Variants in EBPL observed in about 807,000 individuals in gnomAD.
EBPL encodes EBP like.
Under a neutral mutation model 19.0 loss-of-function variants are expected in EBPL, and 20 were observed. The ratio of observed to expected loss-of-function variants is 1.05; its 90% CI spans 0.74 to 1.53. The LOEUF (loss-of-function observed/expected upper bound fraction) is 1.53. Among genes scored for constraint, EBPL ranks in the 40% most tolerant of loss-of-function variants. The pLI is 0.00. For synonymous variants in EBPL, 107 were observed against 117.0 expected, an observed-to-expected ratio of 0.91 and a Z score of 0.55; for missense variants, 219 against 261.1, an observed-to-expected ratio of 0.84 and a Z score of 1.11.
At chr13:49,684,060 A>G (rs1953971494) in intron 1 of EBPL, among the ~76,000 whole-genome samples, 1 of 152,220 alleles carries the variant, frequency 6.6e-6, no homozygotes, top group Non-Finnish European at 1.5e-5. Flanking sequence ...TAGGACAGCA[A>G]AACTTTAAAG....
intron 1 of EBPL, 118 bp downstream of exon 1, chr13:49,691,136 G>A (rs1344251658): frequency 7.3e-6 from 7 of 961,444 alleles, no homozygotes; most frequent in Non-Finnish European, 9.4e-6. Flanking sequence ...ACTTCCTGCA[G>A]CAGGGGGAGG....
chr13:49,684,545 C>T (rs981816089), intron 1 of EBPL, among the ~76,000 whole-genome samples: 2 of 152,124 alleles, frequency 1.3e-5, no homozygotes, highest in Non-Finnish European at 2.9e-5. Context: ...CACGGTGGCA[C>T]GTGCCTGTCA....
intron 1 of EBPL, among the ~76,000 whole-genome samples, chr13:49,684,902 A>G (rs1241190775): frequency 6.6e-6 from 1 of 152,094 alleles, no homozygotes; most frequent in Non-Finnish European, 1.5e-5. Flanking sequence ...AACTTGGCAA[A>G]GTGAAATTAT....
At chr13:49,672,480 TTC>T (rs1278153554) in intron 1 of EBPL, among the ~76,000 whole-genome samples, 1 of 152,230 alleles carries the variant, frequency 6.6e-6, no homozygotes, top group African/African-American at 2.4e-5. Flanking sequence ...GGCCAATTCT[TTC>T]TCTTTTATCT....
At chr13:49,688,718 C>CAAAAA (rs56059575) in intron 1 of EBPL, among the ~76,000 whole-genome samples, 6 of 95,376 alleles carry the variant, frequency 6.3e-5, no homozygotes, top group African/African-American at 1.2e-4. Flanking sequence ...GACTCCGTCT[C>CAAAAA]AAAAAAAAAA....
chr13:49,663,919 C>T lies in EBPL; in HGVS notation c.242-724G>A, dbSNP rs61683965. On this transcript the variant is annotated intron_variant, in intron 2 of 3. Transcript: ENST00000242827. ...CAGCCTGGGTGACAGAGCGAGACTCCGTCTCAAAAAAAAAAAAACAAAAAA... is the reference window on the plus strand; with the variant it reads ...CAGCCTGGGTGACAGAGCGAGACTCTGTCTCAAAAAAAAAAAAACAAAAAA... Among the ~76,000 whole-genome samples the T allele has an allele frequency of 7.5e-3, 1,054 of 139,796 alleles. 15 individuals carry two copies. Among genetic ancestry groups the T allele is most frequent in the African/African-American group, 0.027 (1,010 of 37,156 alleles). The allele number at this position is 139,796 out of a possible 152,430, so 91.7% of individuals were successfully genotyped here.
intron 1 of EBPL, among the ~76,000 whole-genome samples, chr13:49,687,836 T>A (rs6561554): frequency 6.6e-6 from 1 of 151,816 alleles, no homozygotes; most frequent in Non-Finnish European, 1.5e-5. Flanking sequence ...TTGGGTAAAA[T>A]CTCGGACGCT....
At chr13:49,678,514 A>T (rs1397411323) in intron 1 of EBPL, among the ~76,000 whole-genome samples, 1 of 152,160 alleles carries the variant, frequency 6.6e-6, no homozygotes, top group African/African-American at 2.4e-5. Context: ...GCCAGCAGTG[A>T]TGGGGAACCC....
At position 49,660,819 on chromosome 13, in the gene EBPL, C is replaced by T. The variant is rs1384305594; in HGVS notation, c.*149G>A. 6 of 617,112 alleles carry T rather than the reference C, an allele frequency of 9.7e-6. No homozygotes were observed. The highest frequency in any genetic ancestry group is 1.7e-5 in the Non-Finnish European group (6 of 362,836). The allele number at this position is 617,112 out of a possible 1,614,324, so 38.2% of individuals were successfully genotyped here. On this transcript the variant is annotated 3_prime_UTR_variant, in exon 4 of 4. Coordinates refer to ENST00000242827, the MANE Select transcript of EBPL (RefSeq NM_032565.5). The stretch of plus-strand genomic sequence containing the variant: ...GAACAACAATACAACGAAAACTGGT[C>T]GCCTTAAAACCAATTTGAAACAGGT...
chr13:49,664,815 A>G (rs1391514237), intron 2 of EBPL, among the ~76,000 whole-genome samples: 1 of 152,060 alleles, frequency 6.6e-6, no homozygotes, highest in African/African-American at 2.4e-5. Context: ...GGCTGTCCTA[A>G]GAGAAAGGAC....
intron 1 of EBPL, among the ~76,000 whole-genome samples, chr13:49,679,321 A>G (rs1192711831): frequency 1.3e-5 from 2 of 152,178 alleles, no homozygotes; most frequent in African/African-American, 4.8e-5. Flanking sequence ...TATGATAGAG[A>G]TCCAGCCATC....
chr13:49,673,501 G>A (rs9535295), intron 1 of EBPL, among the ~76,000 whole-genome samples: 28,052 of 152,050 alleles, frequency 0.18, 3,246 homozygotes, highest in Non-Finnish European at 0.26. Context: ...GCAGTGGCTC[G>A]ATCTTGGCTC....
At chr13:49,669,081 G>A (rs947109091) in intron 2 of EBPL, among the ~76,000 whole-genome samples, 3 of 151,950 alleles carry the variant, frequency 2.0e-5, no homozygotes, top group Non-Finnish European at 4.4e-5. Context: ...GGATTTCACC[G>A]TGTTAGCCAG....
In EBPL at chr13:49,662,565, G is replaced by T. The variant is rs1965166172; in HGVS notation, c.380+492C>A. Among the ~76,000 whole-genome samples the T allele has an allele frequency of 2.0e-5, 3 of 151,868 alleles. No individual in the cohort carries two copies. The South Asian group carries it at 6.2e-4, about 31-fold the overall frequency. ...TTAAAATAATATTTCTCATATTTTT[G>T]ATTCTGAAAAGTCTGAAATGATCCT... is the stretch of plus-strand genomic sequence containing the variant. On this transcript the variant is annotated intron_variant, in intron 3 of 3. Transcript: ENST00000242827.
At chr13:49,676,329 C>T (rs776344457) in intron 1 of EBPL, among the ~76,000 whole-genome samples, 7 of 152,202 alleles carry the variant, frequency 4.6e-5, no homozygotes, top group Non-Finnish European at 7.3e-5. Context: ...CAGTGGCTCA[C>T]GCCTGTAATC....
chr13:49,661,064 C>T lies in EBPL; in HGVS notation c.525G>A (p.Val175=), dbSNP rs1398781651. The T allele has an allele frequency of 2.5e-6, 4 of 1,614,028 alleles. No homozygotes were observed. The highest frequency in any genetic ancestry group is 3.3e-5 in the Admixed American group (2 of 59,978). Reference sequence around the variant, plus strand: ...GTAGCAGTCCTGGGATCAGAACCCACACACCGTTAAAAAAAAACAGGTAAA... The same window carrying T: ...GTAGCAGTCCTGGGATCAGAACCCATACACCGTTAAAAAAAAACAGGTAAA... ...CWLYLFFFNG[V]WVLIPGLLLW... Residue 175 remains valine (V), a synonymous_variant, in exon 4 of 4, where the codon GTG becomes GTA. Coordinates refer to ENST00000242827, the MANE Select transcript of EBPL (RefSeq NM_032565.5).
chr13:49,671,863 G>T (rs1566315984), intron 1 of EBPL, among the ~76,000 whole-genome samples: 1 of 152,206 alleles, frequency 6.6e-6, no homozygotes, highest in Non-Finnish European at 1.5e-5. Flanking sequence ...CTCTGGGTAA[G>T]AGCAAGATGG....
chr13:49,682,824 G>A (rs899968167), intron 1 of EBPL, among the ~76,000 whole-genome samples: 2 of 152,198 alleles, frequency 1.3e-5, no homozygotes, highest in African/African-American at 2.4e-5. Flanking sequence ...GCTGGTCATC[G>A]GGAAAGCTGG....
intron 3 of EBPL, chr13:49,661,751 A>T (rs1318812489): frequency 2.0e-6 from 3 of 1,479,896 alleles, no homozygotes; most frequent in East Asian, 2.5e-5. Context: ...CAAGGTACCA[A>T]GGAAAAATTT....
Sources: gnomAD v4.1 joint callset for allele counts (sites outside exome capture counted in the v4.1 genomes callset) on GRCh38, gnomAD v4.1.1 for gene constraint, MANE v1.5 for transcripts, NCBI Gene and HGNC (gene_info 2026-07-23, HGNC 2026-07-21) for gene names.